ZAN: variants seen among roughly 807,000 people sequenced by gnomAD.
The protein encoded by ZAN is zonadhesin (gene/pseudogene).
Under a neutral mutation model 286.2 loss-of-function variants are expected in ZAN, and 260 were observed. The ratio of observed to expected loss-of-function variants is 0.91; its 90% CI spans 0.82 to 1.01. The LOEUF is 1.01. Among genes scored for constraint, ZAN ranks in the 50% least tolerant of loss-of-function variants. ZAN has a pLI of 0.00. For synonymous variants in ZAN, 1,368 were observed against 1,417.5 expected (o/e 0.97, Z 0.79); for missense variants, 3,410 against 3,639.2 (o/e 0.94, Z 1.62).
In ZAN at chr7:100,737,385, C is replaced by T. The variant is rs1042133847; in HGVS notation, c.613+36C>T. The T allele has an allele frequency of 5.3e-6, 7 of 1,311,404 alleles. No individual in the cohort carries two copies. In the African/African-American group the frequency reaches 1.1e-4, roughly 20 times the overall value. The allele number at this position is 1,311,404 out of a possible 1,614,324, so 81.2% of individuals were successfully genotyped here. A position where few individuals can be genotyped will look rare whatever the true frequency, so the allele number is the denominator to read the frequency against. On this transcript the variant is annotated intron_variant, in intron 6 of 47. Transcript: ENST00000613979. ...GTCCCTCCTCCCGCCTGCCCTCGGA[C>T]CCTTTTCTCTCCGTCCTTGCACAAC...
At chr7:100,771,562 G>C (rs1456657364) in intron 28 of ZAN, among the ~76,000 whole-genome samples, 2 of 151,838 alleles carry the variant, frequency 1.3e-5, no homozygotes, top group African/African-American at 4.8e-5. Context: ...CTCCCGAGTT[G>C]CCTGGACTAC....
intron 15 of ZAN, among the ~76,000 whole-genome samples, chr7:100,756,017 G>A (rs1809120695): frequency 6.6e-6 from 1 of 152,130 alleles, no homozygotes; most frequent in Non-Finnish European, 1.5e-5. Context: ...AGCCCCGCAA[G>A]TAGCTGGGAT....
chr7:100,786,177 C>G, intron 37 of ZAN, 36 bp downstream of exon 37: 1 of 1,611,374 alleles, frequency 6.2e-7, no homozygotes, highest in African/African-American at 1.3e-5. Flanking sequence ...GAGAGGGGAG[C>G]ACCTGTGGCC....
intron 7 of ZAN, among the ~76,000 whole-genome samples, chr7:100,745,590 G>A (rs1214558821): frequency 6.6e-6 from 1 of 151,906 alleles, no homozygotes; most frequent in Non-Finnish European, 1.5e-5. Flanking sequence ...AGCGGGTAAA[G>A]AAAAGGAAGA....
chr7:100,748,753 T>C (rs1177302888), intron 11 of ZAN, among the ~76,000 whole-genome samples: 1 of 152,106 alleles, frequency 6.6e-6, no homozygotes, highest in Non-Finnish European at 1.5e-5. Flanking sequence ...TCTAGACGTT[T>C]ATGAGTGGCT....
rs1414286238 is a variant in ZAN at position 100,752,556 on chromosome 7, C to T, written c.2451C>T (p.Ile817=). 3 of 1,613,240 alleles carry T rather than the reference C, an allele frequency of 1.9e-6. No individual in the cohort carries two copies. Among genetic ancestry groups the T allele is most frequent in the Non-Finnish European group, 2.5e-6 (3 of 1,179,772 alleles). ...ETTISTEKPS[I]PMEKPTLPTE... ...CCATCTCCACAGAAAAACCCAGCAT[C>T]CCCATGGAAAAACCCACTCTCCCCA... Residue 817 remains isoleucine (I), a synonymous_variant, in exon 14 of 48, where the codon ATC becomes ATT. Coordinates refer to ENST00000613979, the MANE Select transcript of ZAN (RefSeq NM_003386.3).
At chr7:100,756,420 C>T (rs1428431807) in intron 15 of ZAN, among the ~76,000 whole-genome samples, 1 of 132,710 alleles carries the variant, frequency 7.5e-6, no homozygotes, top group Non-Finnish European at 1.6e-5. Context: ...CAGAGTGACA[C>T]CCTGTCTCAA....
chr7:100,749,137 C>T (rs532649373), intron 11 of ZAN, among the ~76,000 whole-genome samples: 25 of 149,960 alleles, frequency 1.7e-4, no homozygotes, highest in Non-Finnish European at 2.8e-4. Context: ...GTCAGGAGTT[C>T]GAGACCAGCT....
At chr7:100,744,884 T>C (rs1461802041) in intron 7 of ZAN, among the ~76,000 whole-genome samples, 2 of 150,420 alleles carry the variant, frequency 1.3e-5, no homozygotes, top group Non-Finnish European at 3.0e-5. Flanking sequence ...TTTTTTGTTG[T>C]TGTTGTTTGT....
chr7:100,771,831 T>C lies in ZAN; in HGVS notation c.5249-13T>C, dbSNP rs767500106. The C allele has an allele frequency of 6.2e-7, 1 of 1,602,440 alleles. No homozygotes were observed. The highest frequency in any genetic ancestry group is 8.5e-7 in the Non-Finnish European group (1 of 1,171,832). Reference sequence around the variant, plus strand: ...CCCCTCCCCTGGCTCATCTGCCTTCTCTCTTCCTGCAGGACCCTTCTCTCA... The same window carrying C: ...CCCCTCCCCTGGCTCATCTGCCTTCCCTCTTCCTGCAGGACCCTTCTCTCA... On this transcript the variant is annotated splice_polypyrimidine_tract_variant and intron_variant, in intron 28 of 47. Transcript: ENST00000613979.
chr7:100,794,034 AG>A lies in ZAN; in HGVS notation c.7986+18del. On this transcript the variant is annotated intron_variant, in intron 43 of 47. Transcript: ENST00000613979. ...CTACTACCAGGTCTGAGCTGGCAGCAGGAGGCCCTGGGGAGCAGAGGCGCCA... is the reference window on the plus strand; with the variant it reads ...CTACTACCAGGTCTGAGCTGGCAGCAGAGGCCCTGGGGAGCAGAGGCGCCA... 6.2e-7 allele frequency: 1 copy of A among 1,612,644 alleles called. No homozygotes were observed. Among genetic ancestry groups the A allele is most frequent in the South Asian group, 1.1e-5 (1 of 90,972 alleles).
intron 34 of ZAN, among the ~76,000 whole-genome samples, chr7:100,778,025 G>A (rs955001676): frequency 1.3e-5 from 2 of 152,124 alleles, no homozygotes; most frequent in African/African-American, 4.8e-5. Flanking sequence ...GGAGGAGCAG[G>A]AGCAGAGGCT....
chr7:100,751,501 C>T (rs1401357392), intron 13 of ZAN, among the ~76,000 whole-genome samples: 1 of 152,176 alleles, frequency 6.6e-6, no homozygotes, highest in Non-Finnish European at 1.5e-5. Context: ...CCTTCCTCTG[C>T]AGTCTTGAAG....
rs1809285622 is a variant in ZAN, at chr7:100,758,186, C to CA, written c.3310-15dup. Reference sequence around the variant, plus strand: ...GGAGCTATATGACTGTGTGACCTCACATCCCTTTCTCCCAGCCTGGGGCAG... The same window carrying CA: ...GGAGCTATATGACTGTGTGACCTCACAATCCCTTTCTCCCAGCCTGGGGCAG... On this transcript the variant is annotated splice_polypyrimidine_tract_variant and intron_variant, in intron 15 of 47. Transcript: ENST00000613979. The CA allele has an allele frequency of 1.2e-6, 2 of 1,607,610 alleles. No individual in the cohort carries two copies. Among genetic ancestry groups the CA allele is most frequent in the Non-Finnish European group, 1.7e-6 (2 of 1,176,422 alleles).
intron 28 of ZAN, 113 bp from the exon 29 acceptor site, chr7:100,771,731 G>A (rs1375976880): frequency 7.0e-5 from 84 of 1,198,638 alleles, no homozygotes; most frequent in Non-Finnish European, 9.2e-5. Flanking sequence ...TGTGCCTGGC[G>A]GGAAAATCCA....
intron 11 of ZAN, among the ~76,000 whole-genome samples, chr7:100,750,383 C>A (rs1298198329): frequency 6.6e-6 from 1 of 152,150 alleles, no homozygotes; most frequent in Admixed American, 6.6e-5. Context: ...GATCCGCCAG[C>A]CTCGGCCTCC....
At chr7:100,787,656 G>A (rs1384619804) in intron 37 of ZAN, among the ~76,000 whole-genome samples, 1 of 152,106 alleles carries the variant, frequency 6.6e-6, no homozygotes, top group African/African-American at 2.4e-5. Flanking sequence ...CTGCCTCCCG[G>A]GTTCAAGCAA....
intron 34 of ZAN, among the ~76,000 whole-genome samples, chr7:100,777,007 C>T (rs998537304): frequency 6.7e-6 from 1 of 149,498 alleles, no homozygotes; most frequent in South Asian, 2.2e-4. Flanking sequence ...GCTGGGATTA[C>T]AGGCGTGAGC....
intron 23 of ZAN, 26 bp from the exon 24 acceptor site, chr7:100,766,499 T>G: frequency 6.5e-7 from 1 of 1,539,020 alleles, no homozygotes; most frequent in Non-Finnish European, 8.8e-7. Flanking sequence ...AAACACTTTC[T>G]CTTCCTTCCC....
Sources: allele counts gnomAD v4.1 joint callset (sites outside exome capture counted in the v4.1 genomes callset), GRCh38; gene constraint gnomAD v4.1.1; transcripts MANE v1.5; gene names NCBI Gene and HGNC (gene_info 2026-07-23, HGNC 2026-07-21).